The following DNAJC7 variants were observed in gnomAD, a reference collection of about 807,000 sequenced individuals.
DNAJC7 encodes dnaJ homolog subfamily C member 7.
DNAJC7 carries 18 observed loss-of-function variants against 67.4 expected under a neutral mutation model. The observed-to-expected ratio is 0.27, with a 90% CI of 0.18 to 0.40. The LOEUF (loss-of-function observed/expected upper bound fraction) is 0.40. Ranked by LOEUF, DNAJC7 falls within the 10% of genes least tolerant of loss-of-function variation. The pLI is 1.00. For synonymous variants in DNAJC7, 220 were observed against 207.8 expected, an observed-to-expected ratio of 1.06 and a Z score of -0.50; for missense variants, 419 against 613.8, an observed-to-expected ratio of 0.68 and a Z score of 3.35.
rs558157992 is a variant in DNAJC7, at chr17:41,997,376, T to G, written c.167-137A>C. 7.8e-4 allele frequency: 833 copies of G among 1,073,286 alleles called. 1 individual carries two copies. The highest frequency in any genetic ancestry group is 9.7e-4 in the Non-Finnish European group (748 of 771,508). 66.5% of individuals were successfully genotyped at this position (1,073,286 alleles called of 1,614,324 possible). On this transcript the variant is annotated intron_variant, in intron 2 of 13. Transcript: ENST00000457167. ...GGCCAAGAGGGGAGACCACTTGAGGTCAGGAGTTCAAGACCAGCCTAGTCA... is the reference window on the plus strand; with the variant it reads ...GGCCAAGAGGGGAGACCACTTGAGGGCAGGAGTTCAAGACCAGCCTAGTCA...
At chr17:41,987,334 C>G (rs1234917701) in intron 9 of DNAJC7, 1 of 152,514 alleles carries the variant, frequency 6.6e-6, no homozygotes, top group Non-Finnish European at 1.5e-5. Context: ...CGGATTACAT[C>G]TCTTCCAACT....
chr17:42,014,321 C>G (rs1365772338), intron 1 of DNAJC7: 1 of 151,402 alleles, frequency 6.6e-6, no homozygotes, highest in Non-Finnish European at 1.5e-5. Context: ...GTGCCCACCA[C>G]TACGCCCAGC....
At chr17:42,001,148 G>C (rs1209228317) in intron 1 of DNAJC7, 1 of 152,510 alleles carries the variant, frequency 6.6e-6, no homozygotes, top group African/African-American at 2.4e-5. Context: ...GAACAGAGCT[G>C]AGTGACAGCA....
intron 11 of DNAJC7, 82 bp from the exon 12 acceptor site, chr17:41,982,089 C>T: frequency 6.3e-7 from 1 of 1,575,210 alleles, no homozygotes; most frequent in Non-Finnish European, 8.6e-7. Context: ...TACTTTCTGT[C>T]TAATTTTGGA....
intron 1 of DNAJC7, among the ~76,000 whole-genome samples, chr17:42,010,320 C>CAAA (rs11424783): frequency 5.2e-5 from 7 of 133,616 alleles, no homozygotes; most frequent in Non-Finnish European, 4.8e-5. Flanking sequence ...CCTGTCTCTA[C>CAAA]AAAAAAAAAA....
intron 6 of DNAJC7, 90 bp from the exon 7 acceptor site, chr17:41,989,647 T>A: frequency 1.3e-6 from 2 of 1,512,396 alleles, no homozygotes; most frequent in Non-Finnish European, 1.8e-6. Flanking sequence ...TCCTTGACCA[T>A]GTGTCTAGCA....
rs782201238 is a variant in DNAJC7 at position 41,976,717 on chromosome 17, G to A, written c.*16C>T. 3 of 1,608,164 alleles carry A rather than the reference G, an allele frequency of 1.9e-6. No homozygotes were observed. The highest frequency in any genetic ancestry group is 1.1e-5 in the South Asian group (1 of 90,716). ...AGTGAATCTGCATTTTCTGGGTTCT[G>A]GGTGGTTGCCCTTCATTAGCCAAAT... On this transcript the variant is annotated 3_prime_UTR_variant, in exon 14 of 14. Transcript: ENST00000457167.
intron 1 of DNAJC7, among the ~76,000 whole-genome samples, chr17:42,008,659 C>G (rs1453600470): frequency 6.6e-6 from 1 of 152,142 alleles, no homozygotes; most frequent in Non-Finnish European, 1.5e-5. Context: ...ATCCGCCCGC[C>G]TCGGCCTCCC....
chr17:42,007,207 T>C (rs1355096638), intron 1 of DNAJC7, among the ~76,000 whole-genome samples: 1 of 152,202 alleles, frequency 6.6e-6, no homozygotes, highest in African/African-American at 2.4e-5. Context: ...ATTCCTCTTA[T>C]ATTTACTACT....
chr17:41,982,501 A>G, intron 10 of DNAJC7, 100 bp from the exon 11 acceptor site: 1 of 1,457,364 alleles, frequency 6.9e-7, no homozygotes, highest in Non-Finnish European at 9.3e-7. Context: ...CTTGTTAACC[A>G]TGCCAGGGAC....
At chr17:41,996,495 G>A (rs2051662496) in intron 3 of DNAJC7, 71 bp from the exon 4 acceptor site, 29 of 1,420,242 alleles carry the variant, frequency 2.0e-5, no homozygotes, top group Non-Finnish European at 2.5e-5. Flanking sequence ...AGCAGCAACA[G>A]ACACCCACAC....
intron 9 of DNAJC7, among the ~76,000 whole-genome samples, chr17:41,986,622 G>A (rs2051388908): frequency 6.7e-6 from 1 of 150,364 alleles, no homozygotes; most frequent in African/African-American, 2.5e-5. Flanking sequence ...TCAGTCTTTG[G>A]CTGAATCAAA....
intron 1 of DNAJC7, among the ~76,000 whole-genome samples, chr17:42,003,878 G>T (rs2143291984): frequency 6.6e-6 from 1 of 150,564 alleles, no homozygotes; most frequent in Admixed American, 6.6e-5. Context: ...TGACCTGATG[G>T]TACTATTAAC....
intron 1 of DNAJC7, among the ~76,000 whole-genome samples, chr17:42,005,790 G>T (rs1423907882): frequency 6.6e-6 from 1 of 152,144 alleles, no homozygotes; most frequent in African/African-American, 2.4e-5. Context: ...ACCCAGGCTG[G>T]AGTGCAGTGG....
At chr17:41,990,774 C>T (rs2051493834) in intron 5 of DNAJC7, among the ~76,000 whole-genome samples, 1 of 151,658 alleles carries the variant, frequency 6.6e-6, no homozygotes, top group African/African-American at 2.4e-5. Flanking sequence ...TCACGCCATT[C>T]TCCTGCCTCA....
chr17:42,002,903 A>G (rs561245534), intron 1 of DNAJC7, among the ~76,000 whole-genome samples: 28 of 152,378 alleles, frequency 1.8e-4, no homozygotes, highest in African/African-American at 6.7e-4. Flanking sequence ...AAGCTAAATG[A>G]CATTCCTAAC....
chr17:41,985,579 A>C (rs1458220819), intron 9 of DNAJC7: 1 of 152,192 alleles, frequency 6.6e-6, no homozygotes, highest in Non-Finnish European at 1.5e-5. Flanking sequence ...AAATTCAGGG[A>C]TATCCTCACA....
In DNAJC7 at chr17:41,996,911, A is replaced by T. The variant is rs565191256; in HGVS notation, c.291+204T>A. On this transcript the variant is annotated intron_variant, in intron 3 of 13. Transcript: ENST00000457167. ...GTTAAGAGACATTTTTGGTTGTTAC[A>T]ACTGGGCAGAGGGGGTGCTACTCAT... 1.5e-3 allele frequency among the ~76,000 whole-genome samples: 225 copies of T among 152,358 alleles called. 1 individual carries two copies. Among genetic ancestry groups the T allele is most frequent in the Non-Finnish European group, 2.6e-3 (175 of 68,030 alleles).
chr17:41,982,178 C>G, intron 11 of DNAJC7, 77 bp downstream of exon 11: 1 of 1,579,776 alleles, frequency 6.3e-7, no homozygotes, highest in Non-Finnish European at 8.6e-7. Context: ...TCCAAGGGGT[C>G]CCCTCTGGAC....
Sources: gnomAD v4.1 joint callset for allele counts (sites outside exome capture counted in the v4.1 genomes callset) on GRCh38, gnomAD v4.1.1 for gene constraint, MANE v1.5 for transcripts, NCBI Gene and HGNC (gene_info 2026-07-23, HGNC 2026-07-21) for gene names.